NTM: variants seen among roughly 807,000 people sequenced by gnomAD.
The protein encoded by NTM is IgLON family member 2.
In NTM, 13 loss-of-function variants were observed where a neutral mutation model predicts 42.1. That is an observed-to-expected ratio of 0.31 (90% CI 0.20 to 0.49). The LOEUF (loss-of-function observed/expected upper bound fraction) is 0.49. Among genes scored for constraint, NTM ranks in the 20% least tolerant of loss-of-function variants. The pLI is 0.99. For synonymous variants in NTM, 187 were observed against 179.2 expected, an observed-to-expected ratio of 1.04 and a Z score of -0.35; for missense variants, 373 against 452.8, an observed-to-expected ratio of 0.82 and a Z score of 1.60.
intron 3 of NTM, among the ~76,000 whole-genome samples, chr11:132,188,420 A>G (rs1030702456): frequency 3.9e-5 from 6 of 152,292 alleles, no homozygotes; most frequent in South Asian, 2.1e-4. Flanking sequence ...ACTTTCAGAA[A>G]TGAAGAGGTT....
intron 3 of NTM, among the ~76,000 whole-genome samples, chr11:132,167,705 A>G (rs191804455): frequency 1.9e-4 from 29 of 152,238 alleles, no homozygotes; most frequent in Non-Finnish European, 4.1e-4. Flanking sequence ...TGTATTATAC[A>G]TAGTAGTCAT....
In NTM at chr11:132,332,761, A is replaced by G. The variant is rs543977852; in HGVS notation, c.968-2285A>G. On this transcript the variant is annotated intron_variant, in intron 8 of 8. Coordinates refer to ENST00000683400, the MANE Select transcript of NTM (RefSeq NM_001352005.2). ...AAACAAGGTTTCAGCATTCCCTTAC[A>G]TGGTAACTACGCCAGGCCCCTGCTG... 6 of 152,284 alleles carry G rather than the reference A, an allele frequency of 3.9e-5. No homozygotes were observed. The Middle Eastern group carries it at 0.01, about 259-fold the overall frequency. The allele number at this position is 152,284 out of a possible 1,614,324, so 9.4% of individuals were successfully genotyped here. A position where few individuals can be genotyped will look rare whatever the true frequency, so the allele number is the denominator to read the frequency against.
intron 2 of NTM, among the ~76,000 whole-genome samples, chr11:131,957,420 T>A (rs2061668705): frequency 6.6e-6 from 1 of 152,124 alleles, no homozygotes. Flanking sequence ...CTCCTGCAGG[T>A]GCAGTTTTCA....
At chr11:131,755,939 G>T (rs758670908) in intron 1 of NTM, among the ~76,000 whole-genome samples, 6 of 152,200 alleles carry the variant, frequency 3.9e-5, no homozygotes, top group Non-Finnish European at 8.8e-5. Context: ...CAGGAGGACT[G>T]TCTGTCTCCT....
At chr11:132,253,154 C>G (rs146651608) in intron 4 of NTM, among the ~76,000 whole-genome samples, 2 of 152,322 alleles carry the variant, frequency 1.3e-5, no homozygotes, top group African/African-American at 4.8e-5. Flanking sequence ...ATGCCATGTC[C>G]TGGAGCTTAG....
Position 131,611,354 on chromosome 11 carries a change from T to A in NTM, c.82+240466T>A, listed in dbSNP as rs115981874. On this transcript the variant is annotated intron_variant, in intron 1 of 8. Coordinates refer to ENST00000683400, the MANE Select transcript of NTM (RefSeq NM_001352005.2). ...CTTGAGCTTCAAATAACACCTTGGATCTGTGCAGAACTAATTCCTGGCTCC... is the reference window on the plus strand; with the variant it reads ...CTTGAGCTTCAAATAACACCTTGGAACTGTGCAGAACTAATTCCTGGCTCC... Among the ~76,000 whole-genome samples the A allele has an allele frequency of 9.5e-3, 1,447 of 152,278 alleles. 24 individuals carry two copies. Among genetic ancestry groups the A allele is most frequent in the African/African-American group, 0.033 (1,385 of 41,530 alleles).
At chr11:131,644,748 T>C (rs1479747733) in intron 1 of NTM, among the ~76,000 whole-genome samples, 1 of 150,398 alleles carries the variant, frequency 6.6e-6, no homozygotes, top group Non-Finnish European at 1.5e-5. Context: ...TTAAGAAGAT[T>C]GAAAGATACA....
In NTM at chr11:131,725,062, G is replaced by A. The variant is rs187121599; in HGVS notation, c.83-186502G>A. On this transcript the variant is annotated intron_variant, in intron 1 of 8. Transcript: ENST00000683400. ...ATCTTGTTCTTCCTGAATTCTCATCGTGATGCAAGGCACTGTGGGGAAAAA... is the reference window on the plus strand; with the variant it reads ...ATCTTGTTCTTCCTGAATTCTCATCATGATGCAAGGCACTGTGGGGAAAAA... 1.8e-3 allele frequency among the ~76,000 whole-genome samples: 273 copies of A among 152,232 alleles called. 1 individual carries two copies. The highest frequency in any genetic ancestry group is 6.3e-3 in the African/African-American group (260 of 41,540).
chr11:131,953,224 A>G (rs181456136), intron 2 of NTM, among the ~76,000 whole-genome samples: 31 of 152,282 alleles, frequency 2.0e-4, no homozygotes, highest in South Asian at 1.0e-3. Flanking sequence ...AACATGAACA[A>G]TGAGGTGCTA....
At chr11:131,884,246 C>T (rs901963919) in intron 1 of NTM, among the ~76,000 whole-genome samples, 2 of 151,770 alleles carry the variant, frequency 1.3e-5, no homozygotes, top group Non-Finnish European at 2.9e-5. Flanking sequence ...CCTATCTCTA[C>T]TAAAAATACA....
chr11:131,775,552 C>T (rs1295533773), intron 1 of NTM, among the ~76,000 whole-genome samples: 6 of 152,028 alleles, frequency 3.9e-5, no homozygotes, highest in Non-Finnish European at 7.4e-5. Flanking sequence ...CCTGCATGTC[C>T]CTCTTCCCTC....
chr11:131,504,266 T>C (rs1257257483), intron 1 of NTM, among the ~76,000 whole-genome samples: 2 of 152,174 alleles, frequency 1.3e-5, no homozygotes, highest in African/African-American at 2.4e-5. Context: ...CTGTTCCCAC[T>C]CTGACTTGCA....
chr11:131,462,804 C>A (rs797014720), intron 1 of NTM, among the ~76,000 whole-genome samples: 4 of 133,466 alleles, frequency 3.0e-5, no homozygotes, highest in African/African-American at 1.1e-4. Context: ...CCACCTTCTC[C>A]CTAGAGCAGG....
Position 131,622,759 on chromosome 11 carries a change from C to T in NTM, c.82+251871C>T, listed in dbSNP as rs1436543716. ...CAGTAGAGATGTGTCCTGATGTTCC[C>T]CTCCCTGACAAGAGCACCCCAGCAA... is the stretch of plus-strand genomic sequence containing the variant. On this transcript the variant is annotated intron_variant, in intron 1 of 8. Coordinates refer to ENST00000683400, the MANE Select transcript of NTM (RefSeq NM_001352005.2). Among the ~76,000 whole-genome samples the T allele has an allele frequency of 2.0e-5, 3 of 152,120 alleles. No individual in the cohort carries two copies. In the East Asian group the frequency reaches 5.8e-4, roughly 29 times the overall value.
chr11:131,706,181 G>A (rs2076570637), intron 1 of NTM, among the ~76,000 whole-genome samples: 1 of 151,724 alleles, frequency 6.6e-6, no homozygotes, highest in African/African-American at 2.4e-5. Flanking sequence ...GAATAGGAGT[G>A]GCTATACTTA....
intron 7 of NTM, among the ~76,000 whole-genome samples, chr11:132,325,674 C>A (rs886895258): frequency 2.0e-5 from 3 of 152,202 alleles, no homozygotes; most frequent in African/African-American, 7.2e-5. Flanking sequence ...TGGGTATATA[C>A]CCAAAGGACT....
intron 1 of NTM, among the ~76,000 whole-genome samples, chr11:131,480,793 G>A (rs1953493903): frequency 6.6e-6 from 1 of 151,808 alleles, no homozygotes; most frequent in East Asian, 1.9e-4. Context: ...AGTCTGGGTG[G>A]TGGGGGTGGG....
intron 4 of NTM, among the ~76,000 whole-genome samples, chr11:132,226,655 G>A (rs753079072): frequency 6.6e-6 from 1 of 152,126 alleles, no homozygotes; most frequent in African/African-American, 2.4e-5. Context: ...AGGGGAGGGG[G>A]CGTAAAGATA....
At chr11:131,991,533 A>C (rs2067022962) in intron 2 of NTM, among the ~76,000 whole-genome samples, 1 of 152,174 alleles carries the variant, frequency 6.6e-6, no homozygotes, top group Admixed American at 6.5e-5. Context: ...CATATCCTTC[A>C]TTTTAAGTCA....
Sources: allele counts gnomAD v4.1 joint callset (sites outside exome capture counted in the v4.1 genomes callset), GRCh38; gene constraint gnomAD v4.1.1; transcripts MANE v1.5; gene names NCBI Gene and HGNC (gene_info 2026-07-23, HGNC 2026-07-21).